MYBPHL: variants seen among roughly 807,000 people sequenced by gnomAD.
MYBPHL encodes the protein myosin-binding protein H-like.
In MYBPHL, 32 loss-of-function variants were observed where a neutral mutation model predicts 39.5. The observed-to-expected ratio is 0.81, with a 90% CI of 0.61 to 1.09. MYBPHL has a LOEUF of 1.09. Among genes scored for constraint, MYBPHL ranks in the 50% least tolerant of loss-of-function variants. The probability of loss-of-function intolerance (pLI) is 0.00; values close to 1 mark genes in which losing one functional copy is unlikely to be tolerated. For synonymous variants in MYBPHL, 196 were observed against 183.7 expected (o/e 1.07, Z -0.54); for missense variants, 456 against 460.2 (o/e 0.99, Z 0.08).
rs761170978 is a variant in MYBPHL, at chr1:109,295,287, A to G, written c.878T>C (p.Ile293Thr). 3 of 1,613,846 alleles carry G rather than the reference A, an allele frequency of 1.9e-6. No homozygotes were observed. Among genetic ancestry groups the G allele is most frequent in the Middle Eastern group, 1.7e-4 (1 of 6,052 alleles). The change falls in exon 7 of 9, where the codon ATC becomes ACC. Residue 293 changes from isoleucine (I) to threonine (T), a missense_variant. Transcript: ENST00000357155. ...GATATCCATCTTGTTCTTCAGCCAG[A>G]TGATCTTGGGCTGGAAGACAAAGAT... Reference protein sequence around the residue: ...CVRASPRPKIIWLKNKMDIQG... With the variant: ...CVRASPRPKITWLKNKMDIQG...
chr1:109,294,957 T>G (rs1658001890), intron 7 of MYBPHL, among the ~76,000 whole-genome samples, 154 bp downstream of exon 7: 1 of 152,230 alleles, frequency 6.6e-6, no homozygotes, highest in Non-Finnish European at 1.5e-5. Flanking sequence ...TTAAAATGTC[T>G]CCTCCAATAC....
chr1:109,292,672 T>C (rs1361864096), intron 8 of MYBPHL, 84 bp from the exon 9 acceptor site: 1 of 152,234 alleles, frequency 6.6e-6, no homozygotes, highest in Non-Finnish European at 1.5e-5. Flanking sequence ...GAGTTGTCTC[T>C]GCAAGCCGAC....
Position 109,296,304 on chromosome 1 carries a change from G to T in MYBPHL, c.797C>A (p.Pro266His), listed in dbSNP as rs142989328. 6.8e-6 allele frequency: 11 copies of T among 1,614,180 alleles called. No homozygotes were observed. The African/African-American group carries it at 1.5e-4, about 22-fold the overall frequency. Reference protein sequence around the residue: ...DFSEAPKFTQPLADCTTVTGY... With the variant: ...DFSEAPKFTQHLADCTTVTGY... ...GGTGACTGTAGTGCAGTCGGCCAGA[G>T]GCTGGGTAAACTTTGGGGCTTCAGA... The change falls in exon 6 of 9, where the codon CCT becomes CAT. Residue 266 changes from proline to histidine, a missense_variant. Transcript: ENST00000357155.
intron 1 of MYBPHL, among the ~76,000 whole-genome samples, chr1:109,300,841 A>G (rs561388063): frequency 6.4e-4 from 98 of 152,244 alleles, no homozygotes; most frequent in African/African-American, 2.1e-3. Flanking sequence ...TCTGCTTATC[A>G]GTGGGTTTCC....
chr1:109,306,021 G>C (rs1658452580), intron 1 of MYBPHL, among the ~76,000 whole-genome samples: 1 of 152,232 alleles, frequency 6.6e-6, no homozygotes, highest in African/African-American at 2.4e-5. Flanking sequence ...GCGGCACTAG[G>C]AATTGAGCCT....
Position 109,295,297 on chromosome 1 carries a change from G to A in MYBPHL, c.868C>T (p.Pro290Ser), listed in dbSNP as rs142219130. The A allele has an allele frequency of 6.2e-7, 1 of 1,613,236 alleles. No individual in the cohort carries two copies. The highest frequency in any genetic ancestry group is 8.5e-7 in the Non-Finnish European group (1 of 1,179,448). The change falls in exon 7 of 9, where the codon CCC becomes TCC. Residue 290 changes from proline to serine, a missense_variant and splice_region_variant. By Grantham distance (74) the Pro-to-Ser change is moderately conservative (BLOSUM62 -1). Coordinates refer to ENST00000357155, the MANE Select transcript of MYBPHL (RefSeq NM_001010985.3). ...LFCCVRASPR[P>S]KIIWLKNKMD... ...TTGTTCTTCAGCCAGATGATCTTGG[G>A]CTGGAAGACAAAGATGAGGGAGGCA...
At chr1:109,297,726 C>T (rs982882643) in intron 2 of MYBPHL, 109 bp from the exon 3 acceptor site, 2 of 969,676 alleles carry the variant, frequency 2.1e-6, no homozygotes, top group Non-Finnish European at 3.0e-6. Flanking sequence ...TGACTTGGAG[C>T]TGCACATTCC....
At chr1:109,294,478 T>TG (rs1657983507) in intron 7 of MYBPHL, among the ~76,000 whole-genome samples, 1 of 152,142 alleles carries the variant, frequency 6.6e-6, no homozygotes, top group African/African-American at 2.4e-5. Context: ...GGCTAGACAC[T>TG]GGGGGGACAA....
chr1:109,294,075 G>C (rs192208430), intron 8 of MYBPHL, 131 bp downstream of exon 8: 79 of 637,260 alleles, frequency 1.2e-4, no homozygotes, highest in African/African-American at 1.2e-3. Flanking sequence ...AAAAAAAAAT[G>C]GTTACAACAA....
chr1:109,302,919 A>G (rs1658342584), intron 1 of MYBPHL, among the ~76,000 whole-genome samples: 1 of 152,184 alleles, frequency 6.6e-6, no homozygotes, highest in African/African-American at 2.4e-5. Context: ...GTAAGTGGCA[A>G]TGGTGAGAAT....
At chr1:109,304,452 C>T (rs944544193) in intron 1 of MYBPHL, among the ~76,000 whole-genome samples, 1 of 152,192 alleles carries the variant, frequency 6.6e-6, no homozygotes, top group African/African-American at 2.4e-5. Context: ...TCTTTCTCCT[C>T]CACCTCAGGG....
chr1:109,298,701 G>C (rs76569103), intron 1 of MYBPHL, among the ~76,000 whole-genome samples: 3,066 of 152,036 alleles, frequency 0.02, 67 homozygotes, highest in South Asian at 0.097. Flanking sequence ...TCCCAGTTAG[G>C]TGTGGGTCTC....
chr1:109,304,195 G>A (rs1570859005), intron 1 of MYBPHL, among the ~76,000 whole-genome samples: 1 of 149,862 alleles, frequency 6.7e-6, no homozygotes, highest in African/African-American at 2.5e-5. Flanking sequence ...CATGAGGGCA[G>A]TTATTTTTAC....
chr1:109,293,719 G>T (rs574537002), intron 8 of MYBPHL, among the ~76,000 whole-genome samples: 11 of 145,380 alleles, frequency 7.6e-5, no homozygotes, highest in Non-Finnish European at 1.5e-4. Context: ...CGGCCTGGGC[G>T]ACAAAGCGAG....
intron 1 of MYBPHL, among the ~76,000 whole-genome samples, chr1:109,301,732 A>C (rs1343783720): frequency 2.1e-5 from 3 of 143,366 alleles, no homozygotes; most frequent in African/African-American, 7.4e-5. Flanking sequence ...TAAGAACAAA[A>C]CTTCATCTCA....
At chr1:109,297,234 G>C (rs564904212) in intron 3 of MYBPHL, 45 bp from the exon 4 acceptor site, 1 of 1,613,858 alleles carries the variant, frequency 6.2e-7, no homozygotes, top group South Asian at 1.1e-5. Context: ...CATCCCACAT[G>C]CATTGAAGTC....
At chr1:109,296,441 A>ATT (rs59806839) in intron 5 of MYBPHL, 71 bp from the exon 6 acceptor site, 2,143 of 1,390,388 alleles carry the variant, frequency 1.5e-3, no homozygotes, top group African/African-American at 1.8e-3. Flanking sequence ...TATCCTTAGT[A>ATT]TTTTTTTTTT....
intron 1 of MYBPHL, among the ~76,000 whole-genome samples, chr1:109,302,887 G>A (rs372545142): frequency 6.6e-6 from 1 of 152,146 alleles, no homozygotes; most frequent in Non-Finnish European, 1.5e-5. Flanking sequence ...ATGGCTACGC[G>A]ACCAGTTTTT....
Position 109,296,808 on chromosome 1 carries a change from CGTAG to C in MYBPHL, c.701_704del (p.Thr234ArgfsTer61), listed in dbSNP as rs1658084397. 1 of 1,614,006 alleles carries C rather than the reference CGTAG, an allele frequency of 6.2e-7. No homozygotes were observed. Among genetic ancestry groups the C allele is most frequent in the Non-Finnish European group, 8.5e-7 (1 of 1,180,036 alleles). ...CTGCTTTCTGGATGTGGGCGAGGTC[CGTAG>C]TGATGGGGGCTGTTTCACTGAGTCC... is the stretch of plus-strand genomic sequence containing the variant. On this transcript the variant is annotated frameshift_variant, in exon 5 of 9. Coordinates refer to ENST00000357155, the MANE Select transcript of MYBPHL (RefSeq NM_001010985.3). LOFTEE classifies it high-confidence loss of function.
Sources: gnomAD v4.1 joint callset for allele counts (sites outside exome capture counted in the v4.1 genomes callset) on GRCh38, gnomAD v4.1.1 for gene constraint, MANE v1.5 for transcripts, NCBI Gene and HGNC (gene_info 2026-07-23, HGNC 2026-07-21) for gene names.